The following HACD3 variants were observed in gnomAD, a reference collection of about 807,000 sequenced individuals.
HACD3 encodes the protein 3-hydroxyacyl-CoA dehydratase 3, also known as very-long-chain (3R)-3-hydroxyacyl-CoA dehydratase 3.
Under a neutral mutation model 55.2 loss-of-function variants are expected in HACD3, and 30 were observed. That is an observed-to-expected ratio of 0.54 (90% CI 0.41 to 0.74). HACD3 has a LOEUF of 0.74. Among genes scored for constraint, HACD3 ranks in the 30% least tolerant of loss-of-function variants. The pLI, the probability that HACD3 is intolerant of heterozygous loss-of-function variation, is 0.00. For synonymous variants in HACD3, 141 were observed against 151.7 expected (o/e 0.93, Z 0.52); for missense variants, 363 against 440.1 (o/e 0.82, Z 1.57).
intron 10 of HACD3, among the ~76,000 whole-genome samples, chr15:65,576,093 CAATA>C (rs2072398213): frequency 1.3e-5 from 2 of 152,048 alleles, no homozygotes; most frequent in Non-Finnish European, 1.5e-5. Context: ...GACCCTGTCG[CAATA>C]AATAAATAAA....
intron 10 of HACD3, 138 bp downstream of exon 10, chr15:65,572,504 C>G (rs1189971828): frequency 3.9e-6 from 4 of 1,015,648 alleles, no homozygotes; most frequent in Non-Finnish European, 5.6e-6. Flanking sequence ...AAAAACAGAC[C>G]CACTAGGGGA....
At chr15:65,571,058 T>C (rs746759480) in intron 8 of HACD3, among the ~76,000 whole-genome samples, 4 of 152,224 alleles carry the variant, frequency 2.6e-5, no homozygotes, top group Non-Finnish European at 4.4e-5. Flanking sequence ...ATCACACTTA[T>C]GAGCTATAAA....
chr15:65,542,581 A>C (rs958138840), intron 1 of HACD3, among the ~76,000 whole-genome samples: 2 of 152,162 alleles, frequency 1.3e-5, no homozygotes, highest in Non-Finnish European at 2.9e-5. Context: ...AGAATATCTA[A>C]ATATATTTGC....
At chr15:65,562,977 A>G in intron 6 of HACD3, 93 bp downstream of exon 6, 1 of 1,533,038 alleles carries the variant, frequency 6.5e-7, no homozygotes, top group African/African-American at 1.4e-5. Flanking sequence ...GATGTTAATA[A>G]TAACCCCTGC....
At chr15:65,565,382 T>C (rs1339315866) in intron 7 of HACD3, 1 of 152,324 alleles carries the variant, frequency 6.6e-6, no homozygotes, top group African/African-American at 2.4e-5. Context: ...CTCACTGCCC[T>C]AGCAGAGGTT....
chr15:65,534,621 G>A (rs969770191), intron 1 of HACD3, among the ~76,000 whole-genome samples: 1 of 152,222 alleles, frequency 6.6e-6, no homozygotes, highest in Non-Finnish European at 1.5e-5. Flanking sequence ...TTTGAGAGCT[G>A]TTTGAAAGAT....
intron 1 of HACD3, among the ~76,000 whole-genome samples, chr15:65,536,403 C>T (rs2071955633): frequency 6.6e-6 from 1 of 152,156 alleles, no homozygotes; most frequent in Admixed American, 6.6e-5. Flanking sequence ...ATTCCTCCAT[C>T]TCTCTCCCTC....
intron 1 of HACD3, among the ~76,000 whole-genome samples, chr15:65,532,557 G>A (rs2071912399): frequency 6.6e-6 from 1 of 151,816 alleles, no homozygotes; most frequent in South Asian, 2.1e-4. Context: ...GCTTGAACCC[G>A]GGAGGCGGAG....
chr15:65,536,245 A>G (rs1596202760), intron 1 of HACD3, among the ~76,000 whole-genome samples: 1 of 151,542 alleles, frequency 6.6e-6, no homozygotes, highest in Non-Finnish European at 1.5e-5. Flanking sequence ...TGGCCTGCCC[A>G]CCTCGGCCTC....
intron 3 of HACD3, 36 bp from the exon 4 acceptor site, chr15:65,556,703 A>T: frequency 1.3e-6 from 2 of 1,576,530 alleles, no homozygotes; most frequent in Non-Finnish European, 8.7e-7. Context: ...CAGGGAACAG[A>T]AGAGGGCATT....
At chr15:65,543,244 T>A (rs1272710028) in intron 1 of HACD3, among the ~76,000 whole-genome samples, 1 of 152,118 alleles carries the variant, frequency 6.6e-6, no homozygotes, top group Non-Finnish European at 1.5e-5. Context: ...TTTTTAAAAA[T>A]CAACCTTCCC....
chr15:65,576,442 T>C lies in HACD3; in HGVS notation c.*63T>C. The C allele has an allele frequency of 6.7e-7, 1 of 1,487,680 alleles. No homozygotes were observed. The allele number at this position is 1,487,680 out of a possible 1,614,324, so 92.2% of individuals were successfully genotyped here. A position where few individuals can be genotyped will look rare whatever the true frequency, so the allele number is the denominator to read the frequency against. The stretch of plus-strand genomic sequence containing the variant: ...TAATCTGATTCTTACAGTTTTACCT[T>C]CTTGAACCAATGTAAAAGTTTTTTT... On this transcript the variant is annotated 3_prime_UTR_variant, in exon 11 of 11. Coordinates refer to ENST00000261875, the MANE Select transcript of HACD3 (RefSeq NM_016395.4).
intron 1 of HACD3, among the ~76,000 whole-genome samples, chr15:65,536,396 C>G (rs1468078164): frequency 6.6e-6 from 1 of 152,134 alleles, no homozygotes; most frequent in East Asian, 1.9e-4. Flanking sequence ...ACTGGCCATT[C>G]CTCCATCTCT....
chr15:65,567,822 T>C (rs1157745251), intron 7 of HACD3, among the ~76,000 whole-genome samples: 2 of 152,138 alleles, frequency 1.3e-5, no homozygotes, highest in African/African-American at 2.4e-5. Flanking sequence ...TGATTCTGCT[T>C]ACATGGGGTA....
intron 4 of HACD3, 133 bp from the exon 5 acceptor site, chr15:65,558,547 T>C (rs1221372141): frequency 5.1e-6 from 4 of 777,828 alleles, no homozygotes; most frequent in Non-Finnish European, 8.7e-6. Context: ...TAGAATATTC[T>C]CCCAATGATG....
intron 1 of HACD3, among the ~76,000 whole-genome samples, chr15:65,549,426 G>GAAA (rs34149100): frequency 0.021 from 2,328 of 110,734 alleles, 89 homozygotes; most frequent in African/African-American, 0.074. Context: ...TCTCTGCTGG[G>GAAA]AAAAAAAAAA....
chr15:65,559,729 A>G (rs2072227228), intron 5 of HACD3, among the ~76,000 whole-genome samples: 1 of 152,052 alleles, frequency 6.6e-6, no homozygotes, highest in Admixed American at 6.6e-5. Context: ...ATATTCTTTC[A>G]GGAAAGCCGA....
chr15:65,563,652 G>C lies in HACD3; in HGVS notation c.533-563G>C, dbSNP rs148137763. Among the ~76,000 whole-genome samples, 48 of 152,140 alleles carry C rather than the reference G, an allele frequency of 3.2e-4. No individual in the cohort carries two copies. In the South Asian group the frequency reaches 9.4e-3, roughly 30 times the overall value. On this transcript the variant is annotated intron_variant, in intron 6 of 10. Coordinates refer to ENST00000261875, the MANE Select transcript of HACD3 (RefSeq NM_016395.4). ...ACACTGTACTCTAGACTGGGTGATGGAGCAAGACCTTGACTCTTAAAAAAA... is the reference window on the plus strand; with the variant it reads ...ACACTGTACTCTAGACTGGGTGATGCAGCAAGACCTTGACTCTTAAAAAAA...
chr15:65,554,774 C>A (rs931251001), intron 2 of HACD3, 113 bp from the exon 3 acceptor site: 28 of 576,378 alleles, frequency 4.9e-5, no homozygotes, highest in African/African-American at 4.6e-4. Flanking sequence ...GACTCTGTCT[C>A]AAAAAAAAAA....
Sources: allele counts gnomAD v4.1 joint callset (sites outside exome capture counted in the v4.1 genomes callset), GRCh38; gene constraint gnomAD v4.1.1; transcripts MANE v1.5; gene names NCBI Gene and HGNC (gene_info 2026-07-23, HGNC 2026-07-21).